The following UBE2E1 variants were observed in gnomAD, a reference collection of about 807,000 sequenced individuals.
UBE2E1 encodes the protein ubiquitin conjugating enzyme E2 E1.
A neutral mutation model predicts 21.4 loss-of-function variants in UBE2E1; 6 were observed. That is an observed-to-expected ratio of 0.28 (90% CI 0.15 to 0.55). The LOEUF (loss-of-function observed/expected upper bound fraction) is 0.55. Among genes scored for constraint, UBE2E1 ranks in the 20% least tolerant of loss-of-function variants. The probability of loss-of-function intolerance (pLI) is 0.93; values close to 1 mark genes in which losing one functional copy is unlikely to be tolerated. For synonymous variants in UBE2E1, 87 were observed against 82.7 expected (o/e 1.05, Z -0.28); for missense variants, 142 against 236.5 (o/e 0.60, Z 2.62).
chr3:23,841,798 G>C (rs1385790391), intron 3 of UBE2E1, among the ~76,000 whole-genome samples: 1 of 152,138 alleles, frequency 6.6e-6, no homozygotes, highest in Non-Finnish European at 1.5e-5. Context: ...CCAATGGGTT[G>C]GTGAGTGAAA....
chr3:23,851,507 A>G (rs1700324068), intron 3 of UBE2E1, among the ~76,000 whole-genome samples: 1 of 152,150 alleles, frequency 6.6e-6, no homozygotes, highest in South Asian at 2.1e-4. Context: ...AAGTATTCCC[A>G]TATTAATTTT....
At chr3:23,818,875 A>G (rs1699583977) in intron 3 of UBE2E1, among the ~76,000 whole-genome samples, 1 of 152,226 alleles carries the variant, frequency 6.6e-6, no homozygotes, top group South Asian at 2.1e-4. Context: ...CAAGGTTGCA[A>G]AAGTCCCTAG....
chr3:23,862,062 G>A (rs1700569770), intron 3 of UBE2E1, among the ~76,000 whole-genome samples: 1 of 152,214 alleles, frequency 6.6e-6, no homozygotes, highest in Admixed American at 6.5e-5. Context: ...CACTGCCGTG[G>A]GGTCGGCGCC....
intron 3 of UBE2E1, among the ~76,000 whole-genome samples, chr3:23,819,653 C>T (rs536090531): frequency 7.2e-5 from 11 of 152,206 alleles, no homozygotes; most frequent in African/African-American, 2.2e-4. Flanking sequence ...CTAATTTGGT[C>T]GGATGGTTTA....
intron 2 of UBE2E1, among the ~76,000 whole-genome samples, chr3:23,809,496 C>T (rs1247673013): frequency 6.6e-6 from 1 of 152,128 alleles, no homozygotes; most frequent in Non-Finnish European, 1.5e-5. Flanking sequence ...GAGGAAAGCC[C>T]CCATTGCAAG....
chr3:23,857,559 A>C (rs902259115), intron 3 of UBE2E1, among the ~76,000 whole-genome samples: 1 of 152,202 alleles, frequency 6.6e-6, no homozygotes, highest in African/African-American at 2.4e-5. Flanking sequence ...ATGCCTGTCG[A>C]GTCACGTTAC....
intron 3 of UBE2E1, among the ~76,000 whole-genome samples, chr3:23,873,003 C>T (rs1267655916): frequency 1.3e-5 from 2 of 151,232 alleles, no homozygotes; most frequent in African/African-American, 2.4e-5. Context: ...GGCAACAGAG[C>T]GAGACTCCAT....
At chr3:23,815,226 C>T (rs1301184058) in intron 3 of UBE2E1, among the ~76,000 whole-genome samples, 1 of 152,234 alleles carries the variant, frequency 6.6e-6, no homozygotes, top group Non-Finnish European at 1.5e-5. Flanking sequence ...AAGCCGTCCA[C>T]CCACTTTGCC....
Position 23,887,980 on chromosome 3 carries a change from T to C in UBE2E1, c.336+281T>C, listed in dbSNP as rs1428909087. On this transcript the variant is annotated intron_variant, in intron 4 of 5. Transcript: ENST00000306627. The surrounding 1 kb of genome is among the most constrained non-coding windows in gnomAD (Gnocchi z 4.4). ...AATTAATCCCCTGTTTTCCAGCCCA[T>C]AGAGAAATGTTTTTGAACCTTTCTC... 1.3e-5 allele frequency among the ~76,000 whole-genome samples: 2 copies of C among 152,180 alleles called. No individual in the cohort carries two copies. Among genetic ancestry groups the C allele is most frequent in the South Asian group, 2.1e-4 (1 of 4,834 alleles).
At chr3:23,830,651 C>T (rs1275777876) in intron 3 of UBE2E1, among the ~76,000 whole-genome samples, 1 of 152,156 alleles carries the variant, frequency 6.6e-6, no homozygotes, top group Non-Finnish European at 1.5e-5. Flanking sequence ...CTCTTCCTTA[C>T]CTTATTACTC....
chr3:23,858,192 A>G (rs374766895), intron 3 of UBE2E1, among the ~76,000 whole-genome samples: 4 of 152,352 alleles, frequency 2.6e-5, no homozygotes, highest in African/African-American at 7.2e-5. Context: ...CTGGATTTCA[A>G]TGCAGAGGGC....
rs746501624 is a variant in UBE2E1 at position 23,823,756 on chromosome 3, G to A, written c.203+12246G>A. Among the ~76,000 whole-genome samples the A allele has an allele frequency of 9.2e-5, 14 of 152,142 alleles. No individual in the cohort carries two copies. The highest frequency in any genetic ancestry group is 4.1e-4 in the South Asian group (2 of 4,834). On this transcript the variant is annotated intron_variant, in intron 3 of 5. Coordinates refer to ENST00000306627, the MANE Select transcript of UBE2E1 (RefSeq NM_003341.5). The surrounding 1 kb of genome is among the most constrained non-coding windows in gnomAD (Gnocchi z 4.2). ...CCTAAGTAAATATTTCAGAACCAAC[G>A]TATGTTAAGTGATTATAGTAATGTG... is the stretch of plus-strand genomic sequence containing the variant.
At chr3:23,847,125 GTTC>G (rs1700224957) in intron 3 of UBE2E1, among the ~76,000 whole-genome samples, 1 of 152,050 alleles carries the variant, frequency 6.6e-6, no homozygotes, top group African/African-American at 2.4e-5. Flanking sequence ...TTTCCCTTTG[GTTC>G]ATCAGTAGGG....
chr3:23,871,754 C>G (rs1264798680), intron 3 of UBE2E1, among the ~76,000 whole-genome samples: 1 of 150,820 alleles, frequency 6.6e-6, no homozygotes, highest in South Asian at 2.1e-4. Context: ...GGCAAAGGCG[C>G]TCCCCACATC....
chr3:23,832,616 G>A (rs1457709666), intron 3 of UBE2E1, among the ~76,000 whole-genome samples: 1 of 152,184 alleles, frequency 6.6e-6, no homozygotes, highest in Non-Finnish European at 1.5e-5. Flanking sequence ...CTTGAACTCA[G>A]TGGGTAGAGG....
At position 23,838,616 on chromosome 3, in the gene UBE2E1, C is replaced by T. The variant is rs1700021106; in HGVS notation, c.203+27106C>T. On this transcript the variant is annotated intron_variant, in intron 3 of 5. Transcript: ENST00000306627. ...GTTCAGGAGATTTCTCCTGCCTCAG[C>T]CTCCTAAGTAGCTGGGATTACAGGC... Among the ~76,000 whole-genome samples, 3 of 152,096 alleles carry T rather than the reference C, an allele frequency of 2.0e-5. No individual in the cohort carries two copies. In the South Asian group the frequency reaches 6.2e-4, roughly 32 times the overall value.
Position 23,808,973 on chromosome 3 carries a change from A to G in UBE2E1, c.152+1552A>G, listed in dbSNP as rs1465366162. 6.6e-6 allele frequency: 1 copy of G among 152,214 alleles called. No homozygotes were observed. The highest frequency in any genetic ancestry group is 1.9e-4 in the East Asian group (1 of 5,196). 9.4% of individuals were successfully genotyped at this position (152,214 alleles called of 1,614,324 possible). On this transcript the variant is annotated intron_variant, in intron 2 of 5. Coordinates refer to ENST00000306627, the MANE Select transcript of UBE2E1 (RefSeq NM_003341.5). The surrounding 1 kb of genome is among the most constrained non-coding windows in gnomAD (Gnocchi z 4.9). ...TTTGGGGGTAAAGACACAGGTATCA[A>G]ATAGAAAATACTCTGCTTTTGTTGT...
intron 3 of UBE2E1, chr3:23,879,220 CT>C (rs1164551579): frequency 1.1e-6 from 1 of 869,854 alleles, no homozygotes; most frequent in African/African-American, 1.7e-5. Context: ...ACAATGCCAT[CT>C]GTGCATCTGG....
intron 3 of UBE2E1, among the ~76,000 whole-genome samples, chr3:23,851,473 G>A (rs1260779685): frequency 6.6e-6 from 1 of 152,002 alleles, no homozygotes; most frequent in African/African-American, 2.4e-5. Context: ...CAGGGTTTAT[G>A]TTGAATCTGT....
Sources: gnomAD v4.1 joint callset for allele counts (sites outside exome capture counted in the v4.1 genomes callset) on GRCh38, gnomAD v4.1.1 for gene constraint, Gnocchi (gnomAD v3.1) non-coding constraint, MANE v1.5 for transcripts, NCBI Gene and HGNC (gene_info 2026-07-23, HGNC 2026-07-21) for gene names.